The following PREX2 variants were observed in gnomAD, a reference collection of about 807,000 sequenced individuals.
PREX2 encodes phosphatidylinositol-3,4,5-trisphosphate dependent Rac exchange factor 2.
Under a neutral mutation model 203.2 loss-of-function variants are expected in PREX2, and 107 were observed. The ratio of observed to expected loss-of-function variants is 0.53; its 90% confidence interval spans 0.45 to 0.62. The LOEUF is 0.62. Among genes scored for constraint, PREX2 ranks in the 20% least tolerant of loss-of-function variants. The probability of loss-of-function intolerance (pLI) is 0.00; values close to 1 mark genes in which losing one functional copy is unlikely to be tolerated. For synonymous variants in PREX2, 672 were observed against 663.6 expected, an observed-to-expected ratio of 1.01 and a Z score of -0.19; for missense variants, 1,777 against 1,955.9, an observed-to-expected ratio of 0.91 and a Z score of 1.72.
chr8:68,161,224 A>C (rs145457393), intron 35 of PREX2, among the ~76,000 whole-genome samples: 1,720 of 152,080 alleles, frequency 0.011, 37 homozygotes, highest in African/African-American at 0.04. Flanking sequence ...CCTACCAAGT[A>C]GCTGGGACTA....
intron 1 of PREX2, among the ~76,000 whole-genome samples, chr8:67,991,509 A>G (rs1048777538): frequency 5.3e-5 from 8 of 152,170 alleles, no homozygotes; most frequent in Non-Finnish European, 1.2e-4. Context: ...CACCTTCTTT[A>G]CAAGGTGGGA....
At chr8:68,069,770 A>C in intron 12 of PREX2, 65 bp from the exon 13 acceptor site, 1 of 753,014 alleles carries the variant, frequency 1.3e-6, no homozygotes, top group Non-Finnish European at 2.2e-6. Flanking sequence ...TTGTTACTTC[A>C]AAATTTCATT....
rs144622031 is a variant in PREX2, at chr8:68,031,140, T to C, written c.705+482T>C. ...TCTTATTTTTAAGGTTTATTCAAGATGAAAATGTTATGGCTTCCTGAGTCA... is the reference window on the plus strand; with the variant it reads ...TCTTATTTTTAAGGTTTATTCAAGACGAAAATGTTATGGCTTCCTGAGTCA... On this transcript the variant is annotated intron_variant, in intron 6 of 39. Coordinates refer to ENST00000288368, the MANE Select transcript of PREX2 (RefSeq NM_024870.4). Among the ~76,000 whole-genome samples, 3 of 152,294 alleles carry C rather than the reference T, an allele frequency of 2.0e-5. No homozygotes were observed. In the East Asian group the frequency reaches 5.8e-4, roughly 29 times the overall value.
At chr8:68,046,510 CA>C (rs1339003650) in intron 8 of PREX2, among the ~76,000 whole-genome samples, 2 of 152,084 alleles carry the variant, frequency 1.3e-5, no homozygotes, top group African/African-American at 4.8e-5. Flanking sequence ...TTCCAGCCTA[CA>C]GGTCCCCAGT....
At chr8:68,150,315 G>A (rs763569861) in intron 34 of PREX2, among the ~76,000 whole-genome samples, 2 of 152,134 alleles carry the variant, frequency 1.3e-5, no homozygotes, top group African/African-American at 4.8e-5. Flanking sequence ...TATAGCCCTT[G>A]CAGCCCCAGC....
At chr8:67,994,205 C>T (rs936468149) in intron 1 of PREX2, among the ~76,000 whole-genome samples, 2 of 152,152 alleles carry the variant, frequency 1.3e-5, no homozygotes, top group African/African-American at 4.8e-5. Context: ...AGGTCATAGG[C>T]TAAACTTAAT....
chr8:68,040,664 G>A (rs981578808), intron 7 of PREX2, among the ~76,000 whole-genome samples: 2 of 152,070 alleles, frequency 1.3e-5, no homozygotes, highest in South Asian at 4.1e-4. Flanking sequence ...TCAATATCGG[G>A]AAAGCACTTG....
At chr8:68,010,755 G>A (rs188351754) in intron 1 of PREX2, among the ~76,000 whole-genome samples, 209 of 152,272 alleles carry the variant, frequency 1.4e-3, no homozygotes, top group African/African-American at 4.7e-3. Flanking sequence ...GTTTGAGTGC[G>A]TATTTCTAGG....
At chr8:68,071,733 T>TGTA (rs527290406) in intron 13 of PREX2, among the ~76,000 whole-genome samples, 34 of 152,264 alleles carry the variant, frequency 2.2e-4, no homozygotes, top group African/African-American at 7.9e-4. Context: ...TCTCTGGGGA[T>TGTA]GTAGTATCAC....
intron 31 of PREX2, among the ~76,000 whole-genome samples, chr8:68,128,840 CT>C (rs920706275): frequency 4.6e-5 from 7 of 152,174 alleles, no homozygotes; most frequent in African/African-American, 1.4e-4. Context: ...TTTGTGACCA[CT>C]TTTCCAAAGT....
At chr8:68,182,626 A>C (rs1337730738) in intron 35 of PREX2, among the ~76,000 whole-genome samples, 1 of 152,052 alleles carries the variant, frequency 6.6e-6, no homozygotes, top group East Asian at 1.9e-4. Flanking sequence ...ATAGTTTCAT[A>C]GTGTAAGTAT....
intron 14 of PREX2, among the ~76,000 whole-genome samples, chr8:68,076,839 C>T (rs1330418352): frequency 9.1e-6 from 1 of 109,672 alleles, no homozygotes; most frequent in Non-Finnish European, 2.1e-5. Flanking sequence ...GTTAAATGAT[C>T]TGATTTTTTT....
At position 68,160,380 on chromosome 8, in the gene PREX2, C is replaced by G. The variant is rs531465476; in HGVS notation, c.4346+2944C>G. Among the ~76,000 whole-genome samples the G allele has an allele frequency of 6.6e-5, 10 of 152,012 alleles. No homozygotes were observed. The South Asian group carries it at 2.1e-3, about 32-fold the overall frequency. On this transcript the variant is annotated intron_variant, in intron 35 of 39. Coordinates refer to ENST00000288368, the MANE Select transcript of PREX2 (RefSeq NM_024870.4). ...AAAGTAAATTTGTTTATGTCTGTGG[C>G]CTATAATAATTTAACATAATAAGCA... is the stretch of plus-strand genomic sequence containing the variant.
Position 68,069,202 on chromosome 8 carries a change from G to C in PREX2, c.1443+66G>C, listed in dbSNP as rs905910728. On this transcript the variant is annotated intron_variant, in intron 12 of 39. Coordinates refer to ENST00000288368, the MANE Select transcript of PREX2 (RefSeq NM_024870.4). The stretch of plus-strand genomic sequence containing the variant: ...TGTTGTCATTCTTCAGAAGATAAAA[G>C]GTAGTTGAGAAACATAAAAGATTTT... 5.1e-6 allele frequency: 4 copies of C among 788,606 alleles called. No homozygotes were observed. In the African/African-American group the frequency reaches 7.4e-5, roughly 15 times the overall value. 48.9% of individuals were successfully genotyped at this position (788,606 alleles called of 1,614,324 possible). A position where few individuals can be genotyped will look rare whatever the true frequency, so the allele number is the denominator to read the frequency against.
At chr8:68,180,417 C>T (rs368961186) in intron 35 of PREX2, among the ~76,000 whole-genome samples, 140 of 152,154 alleles carry the variant, frequency 9.2e-4, no homozygotes, top group African/African-American at 3.0e-3. Context: ...TTGGTGCTGC[C>T]TGATTTATGA....
At chr8:68,080,411 C>A (rs772468935) in intron 15 of PREX2, 32 bp from the exon 16 acceptor site, 1 of 1,600,228 alleles carries the variant, frequency 6.2e-7, no homozygotes. Context: ...TTTGAATTAG[C>A]TGAAATAATT....
intron 35 of PREX2, among the ~76,000 whole-genome samples, chr8:68,158,123 GTA>G (rs1491329081): frequency 0.051 from 6,813 of 134,782 alleles, 528 homozygotes; most frequent in African/African-American, 0.17. Context: ...GTATATATAT[GTA>G]TATATATATA....
At chr8:67,997,462 G>A (rs1806798832) in intron 1 of PREX2, among the ~76,000 whole-genome samples, 1 of 152,144 alleles carries the variant, frequency 6.6e-6, no homozygotes, top group Admixed American at 6.6e-5. Flanking sequence ...GATAAAGGGG[G>A]ACTACTGTAT....
Position 68,044,514 on chromosome 8 carries a change from A to G in PREX2, c.867A>G (p.Thr289=). ...GGTTGAAGAACAGCAAGGCATCTAC[A>G]GATGGACATCGGTACCTTTTTCGTG... ...HRRLKNSKAS[T]DGHRYLFRGR... The change falls in exon 8 of 40, where the codon ACA becomes ACG. Residue 289 remains threonine, a synonymous_variant. Coordinates refer to ENST00000288368, the MANE Select transcript of PREX2 (RefSeq NM_024870.4). 1 of 1,612,668 alleles carries G rather than the reference A, an allele frequency of 6.2e-7. No homozygotes were observed. The highest frequency in any genetic ancestry group is 8.5e-7 in the Non-Finnish European group (1 of 1,178,884).
Sources: allele counts gnomAD v4.1 joint callset (sites outside exome capture counted in the v4.1 genomes callset), GRCh38; gene constraint gnomAD v4.1.1; transcripts MANE v1.5; gene names NCBI Gene and HGNC (gene_info 2026-07-23, HGNC 2026-07-21).